The following TAMM41 variants were observed in gnomAD, a reference collection of about 807,000 sequenced individuals.
TAMM41 encodes phosphatidate cytidylyltransferase, mitochondrial.
TAMM41 carries 36 observed loss-of-function variants against 44.1 expected under a neutral mutation model. The ratio of observed to expected loss-of-function variants is 0.82; its 90% CI spans 0.63 to 1.08. The LOEUF (loss-of-function observed/expected upper bound fraction) is 1.08. Among genes scored for constraint, TAMM41 ranks in the 50% least tolerant of loss-of-function variants. TAMM41 has a pLI of 0.00. For missense variants in TAMM41, 417 were observed against 404.3 expected (o/e 1.03, Z -0.27); for synonymous variants, 164 against 153.1 (o/e 1.07, Z -0.53).
chr3:11,748,020 G>A, the TAMM41 span, among the ~76,000 whole-genome samples: 3 of 150,074 alleles, frequency 2.0e-5, no homozygotes, highest in East Asian at 2.1e-4. Flanking sequence ...GACTACAGGC[G>A]CACACCACTA....
At chr3:11,768,145 G>GTTT in the TAMM41 span, among the ~76,000 whole-genome samples, 1 of 147,598 alleles carries the variant, frequency 6.8e-6, no homozygotes, top group African/African-American at 2.5e-5. Context: ...AAACTTTTTT[G>GTTT]TTTTTTTTTT....
At chr3:11,825,089 T>C (rs2078689880) in intron 4 of TAMM41, among the ~76,000 whole-genome samples, 2 of 152,190 alleles carry the variant, frequency 1.3e-5, no homozygotes, top group East Asian at 1.9e-4. Context: ...AGAGCAAGCA[T>C]TCCAGGAAGA....
the TAMM41 span, among the ~76,000 whole-genome samples, chr3:11,772,982 A>C: frequency 2.8e-4 from 43 of 151,810 alleles, no homozygotes; most frequent in Non-Finnish European, 3.7e-4. Flanking sequence ...TTTGGAATGG[A>C]GTCTAGCTCT....
the TAMM41 span, among the ~76,000 whole-genome samples, chr3:11,735,681 C>G: frequency 2.0e-5 from 3 of 151,958 alleles, no homozygotes; most frequent in Admixed American, 2.0e-4. Flanking sequence ...ATCAGGTGCC[C>G]TAGAGAATAA....
At chr3:11,739,630 C>A in the TAMM41 span, among the ~76,000 whole-genome samples, 9 of 136,268 alleles carry the variant, frequency 6.6e-5, no homozygotes, top group East Asian at 1.5e-3. Flanking sequence ...CAAGATAACA[C>A]CACTGCACTC....
At chr3:11,751,089 CTTTT>C in the TAMM41 span, among the ~76,000 whole-genome samples, 18 of 130,238 alleles carry the variant, frequency 1.4e-4, no homozygotes, top group Admixed American at 1.6e-4. Flanking sequence ...ACAGATGATA[CTTTT>C]TTTTTTTTTT....
intron 7 of TAMM41, among the ~76,000 whole-genome samples, chr3:11,802,723 A>T (rs1225848151): frequency 1.3e-5 from 2 of 152,192 alleles, no homozygotes; most frequent in African/African-American, 4.8e-5. Flanking sequence ...TTGGTACCAA[A>T]CAGACAAGGA....
intron 7 of TAMM41, among the ~76,000 whole-genome samples, chr3:11,805,497 CTT>C: frequency 6.6e-6 from 1 of 152,218 alleles, no homozygotes; most frequent in South Asian, 2.1e-4. Context: ...GTCTTGAACT[CTT>C]GAGCCCAAGC....
chr3:11,838,035 CAG>C (rs1289786868), intron 3 of TAMM41, among the ~76,000 whole-genome samples: 1 of 152,224 alleles, frequency 6.6e-6, no homozygotes, highest in Non-Finnish European at 1.5e-5. Context: ...TACCTGGAGT[CAG>C]AGTCAGATCC....
At chr3:11,747,863 T>C in the TAMM41 span, among the ~76,000 whole-genome samples, 1 of 129,888 alleles carries the variant, frequency 7.7e-6, no homozygotes, top group African/African-American at 2.8e-5. Context: ...CTATTCAATA[T>C]TTACTATTTA....
chr3:11,820,756 G>C (rs942041596), intron 4 of TAMM41, among the ~76,000 whole-genome samples: 13 of 152,302 alleles, frequency 8.5e-5, no homozygotes, highest in African/African-American at 2.6e-4. Context: ...CAAAACTACA[G>C]CAATGGATTA....
chr3:11,744,546 T>G, the TAMM41 span, among the ~76,000 whole-genome samples: 1 of 151,566 alleles, frequency 6.6e-6, no homozygotes, highest in Admixed American at 6.6e-5. Flanking sequence ...AAAAGAAAAA[T>G]TAGCCAGGCA....
rs540731348 is a variant in TAMM41, at chr3:11,814,510, G to C, written c.708+2682C>G. Among the ~76,000 whole-genome samples, 5 of 152,080 alleles carry C rather than the reference G, an allele frequency of 3.3e-5. No individual in the cohort carries two copies. The East Asian group carries it at 7.7e-4, about 23-fold the overall frequency. On this transcript the variant is annotated intron_variant, in intron 5 of 7. Coordinates refer to ENST00000455809, the MANE Select transcript of TAMM41 (RefSeq NM_001284401.2). ...TTAATAAACGAAGAGACGAGAGAGA[G>C]AGAGAGAGAGAAAGGAAAAAAGGTT...
chr3:11,767,003 A>G, the TAMM41 span, among the ~76,000 whole-genome samples: 1 of 152,188 alleles, frequency 6.6e-6, no homozygotes, highest in Non-Finnish European at 1.5e-5. Context: ...GCAATGCTGT[A>G]ATATTAATAC....
intron 3 of TAMM41, among the ~76,000 whole-genome samples, chr3:11,832,717 GTCTC>G (rs1158831821): frequency 1.3e-5 from 2 of 152,332 alleles, no homozygotes; most frequent in African/African-American, 2.4e-5. Flanking sequence ...ACTCTGTGAT[GTCTC>G]TCTACTTCCA....
chr3:11,837,313 T>G (rs989419767), intron 3 of TAMM41, among the ~76,000 whole-genome samples: 1 of 151,962 alleles, frequency 6.6e-6, no homozygotes, highest in Non-Finnish European at 1.5e-5. Context: ...ATCTTCCTTA[T>G]AGTAGGAAGT....
At chr3:11,727,587 C>T in the TAMM41 span, among the ~76,000 whole-genome samples, 1 of 152,270 alleles carries the variant, frequency 6.6e-6, no homozygotes, top group South Asian at 2.1e-4. Context: ...ACCTCAGCCT[C>T]CTGAGGAGCT....
At chr3:11,842,575 C>G (rs2079500164) in intron 2 of TAMM41, among the ~76,000 whole-genome samples, 1 of 150,604 alleles carries the variant, frequency 6.6e-6, no homozygotes, top group Admixed American at 6.6e-5. Context: ...GTGCCTGTAG[C>G]CCCAGCTACT....
At chr3:11,725,943 A>C in the TAMM41 span, among the ~76,000 whole-genome samples, 5,654 of 152,208 alleles carry the variant, frequency 0.037, 347 homozygotes, top group African/African-American at 0.13. Flanking sequence ...ATCAGTTAAC[A>C]ATTTCTTAAG....
Sources: allele counts gnomAD v4.1 joint callset (sites outside exome capture counted in the v4.1 genomes callset), GRCh38; gene constraint gnomAD v4.1.1; transcripts MANE v1.5; gene names NCBI Gene and HGNC (gene_info 2026-07-23, HGNC 2026-07-21).